The following LOC128125817 variants were observed in gnomAD, a reference collection of about 807,000 sequenced individuals.
the LOC128125817 span, among the ~76,000 whole-genome samples, chr1:41,591,714 G>A: frequency 2.0e-5 from 3 of 152,126 alleles, no homozygotes; most frequent in Non-Finnish European, 2.9e-5. Flanking sequence ...CATTCAGTGA[G>A]GACCATGGCA....
At chr1:41,609,119 G>A in the LOC128125817 span, among the ~76,000 whole-genome samples, 1 of 152,138 alleles carries the variant, frequency 6.6e-6, no homozygotes, top group African/African-American at 2.4e-5. Flanking sequence ...AGAGGTGGAG[G>A]TGGGCACTTG....
chr1:41,606,760 T>G, the LOC128125817 span, among the ~76,000 whole-genome samples: 1 of 151,886 alleles, frequency 6.6e-6, no homozygotes, highest in African/African-American at 2.4e-5. Context: ...ACAGGATGAC[T>G]CTTAGTTTAT....
the LOC128125817 span, among the ~76,000 whole-genome samples, chr1:41,624,055 T>C: frequency 2.3e-4 from 35 of 152,228 alleles, no homozygotes; most frequent in South Asian, 7.3e-3. Context: ...CTAGGAGACT[T>C]CCCAAGCCTC....
chr1:41,606,904 G>T, the LOC128125817 span, among the ~76,000 whole-genome samples: 26 of 149,378 alleles, frequency 1.7e-4, 3 homozygotes, highest in African/African-American at 6.7e-4. Context: ...TCACCAAGAT[G>T]GGTCTGCATG....
At chr1:41,605,006 G>A in the LOC128125817 span, among the ~76,000 whole-genome samples, 1 of 151,638 alleles carries the variant, frequency 6.6e-6, no homozygotes, top group African/African-American at 2.4e-5. Context: ...TTGGGAGGTG[G>A]AGGTGGGAGG....
the LOC128125817 span, among the ~76,000 whole-genome samples, chr1:41,587,401 C>T: frequency 6.6e-6 from 1 of 152,214 alleles, no homozygotes; most frequent in Non-Finnish European, 1.5e-5. Context: ...GATTACATCT[C>T]AGTCAACAGG....
the LOC128125817 span, among the ~76,000 whole-genome samples, chr1:41,593,869 G>A: frequency 6.6e-6 from 1 of 152,158 alleles, no homozygotes; most frequent in East Asian, 1.9e-4. Context: ...TCTTTCTGGG[G>A]GCCCTAGAGG....
chr1:41,620,588 A>C, the LOC128125817 span, among the ~76,000 whole-genome samples: 3 of 152,212 alleles, frequency 2.0e-5, no homozygotes, highest in South Asian at 6.2e-4. Context: ...ACTTGGTAGC[A>C]GCTTCCACAG....
the LOC128125817 span, among the ~76,000 whole-genome samples, chr1:41,625,996 A>T: frequency 1.1e-4 from 17 of 152,366 alleles, no homozygotes; most frequent in South Asian, 3.5e-3. Flanking sequence ...TTGCTGAGAA[A>T]TTGCTTCCAT....
chr1:41,588,618 G>C, the LOC128125817 span, among the ~76,000 whole-genome samples: 4 of 152,246 alleles, frequency 2.6e-5, no homozygotes, highest in Middle Eastern at 3.4e-3. Context: ...TCAGTGTCCA[G>C]CCTGCACCTG....
At chr1:41,591,088 T>C in the LOC128125817 span, among the ~76,000 whole-genome samples, 7 of 152,204 alleles carry the variant, frequency 4.6e-5, no homozygotes, top group African/African-American at 1.7e-4. Flanking sequence ...ATCATTGCTA[T>C]TGGAGAAAGC....
the LOC128125817 span, among the ~76,000 whole-genome samples, chr1:41,616,164 T>C: frequency 6.6e-6 from 1 of 152,038 alleles, no homozygotes; most frequent in African/African-American, 2.4e-5. Context: ...GTGGAGTCCA[T>C]TTCAGACAGG....
chr1:41,611,823 C>T, the LOC128125817 span, among the ~76,000 whole-genome samples: 101 of 152,296 alleles, frequency 6.6e-4, 1 homozygote, highest in Middle Eastern at 6.8e-3. Flanking sequence ...AGTTGGGTTT[C>T]GGGGACCTTT....
the LOC128125817 span, among the ~76,000 whole-genome samples, chr1:41,611,518 C>A: frequency 1.3e-5 from 2 of 152,250 alleles, no homozygotes; most frequent in Admixed American, 1.3e-4. Flanking sequence ...GATGAGGACA[C>A]AAAGGCACCG....
chr1:41,596,137 C>T, the LOC128125817 span, among the ~76,000 whole-genome samples: 36 of 152,232 alleles, frequency 2.4e-4, no homozygotes, highest in African/African-American at 8.7e-4. Context: ...CACGTCCCCT[C>T]CTAGGCCCCA....
chr1:41,615,918 T>C, the LOC128125817 span, among the ~76,000 whole-genome samples: 5 of 146,286 alleles, frequency 3.4e-5, no homozygotes, highest in Admixed American at 3.6e-4. Flanking sequence ...ATTTTGAAAA[T>C]ATTTTATATT....
the LOC128125817 span, among the ~76,000 whole-genome samples, chr1:41,594,405 T>G: frequency 6.6e-6 from 1 of 152,010 alleles, no homozygotes; most frequent in Non-Finnish European, 1.5e-5. Context: ...GTATTTTTAG[T>G]AGAGATGGGG....
chr1:41,600,893 G>A, the LOC128125817 span, among the ~76,000 whole-genome samples: 1 of 152,190 alleles, frequency 6.6e-6, no homozygotes, highest in Admixed American at 6.5e-5. Context: ...AATCCATTTT[G>A]AGTTGATCTT....
At chr1:41,628,799 C>T in the LOC128125817 span, 1 of 1,232,036 alleles carries the variant, frequency 8.1e-7, no homozygotes, top group Non-Finnish European at 1.0e-6. Flanking sequence ...GCTGTTCTCT[C>T]TGAAAGCCAG....
Sources: allele counts gnomAD v4.1 joint callset (sites outside exome capture counted in the v4.1 genomes callset), GRCh38; gene constraint gnomAD v4.1.1; transcripts MANE v1.5.